Variants in SLC25A48 observed in about 807,000 individuals in gnomAD.
SLC25A48 encodes the protein CTC-321K16.1.
A neutral mutation model predicts 32.2 loss-of-function variants in SLC25A48; 29 were observed. The ratio of observed to expected loss-of-function variants is 0.90; its 90% CI spans 0.67 to 1.23. The LOEUF (loss-of-function observed/expected upper bound fraction) is 1.23, where lower values mean the gene tolerates loss of function less well. Among genes scored for constraint, SLC25A48 ranks in the 50% most tolerant of loss-of-function variants. The pLI is 0.00. For synonymous variants in SLC25A48, 164 were observed against 172.3 expected (o/e 0.95, Z 0.38); for missense variants, 399 against 422.7 (o/e 0.94, Z 0.49).
At chr5:135,713,983 C>T (rs1349009522) in intron 3 of SLC25A48, among the ~76,000 whole-genome samples, 1 of 152,228 alleles carries the variant, frequency 6.6e-6, no homozygotes, top group Non-Finnish European at 1.5e-5. Context: ...GAAGCAGCCC[C>T]AAAGGCTGGA....
intron 3 of SLC25A48, among the ~76,000 whole-genome samples, chr5:135,704,696 T>C (rs1037451688): frequency 6.6e-6 from 1 of 152,216 alleles, no homozygotes; most frequent in Non-Finnish European, 1.5e-5. Flanking sequence ...ATTATTCCCA[T>C]TTTACAGAAA....
chr5:135,642,822 A>G (rs1212786365), intron 3 of SLC25A48, among the ~76,000 whole-genome samples: 1 of 152,226 alleles, frequency 6.6e-6, no homozygotes, highest in Non-Finnish European at 1.5e-5. Context: ...TGCTCTTGGC[A>G]GGTCCTGACT....
At chr5:135,716,346 A>G (rs1754796076) in intron 3 of SLC25A48, among the ~76,000 whole-genome samples, 2 of 152,134 alleles carry the variant, frequency 1.3e-5, no homozygotes, top group African/African-American at 4.8e-5. Context: ...ATTGGCTTAG[A>G]CAGTTGGGTT....
At chr5:135,613,812 A>G (rs1752127480) in intron 1 of SLC25A48, among the ~76,000 whole-genome samples, 1 of 152,090 alleles carries the variant, frequency 6.6e-6, no homozygotes, top group Non-Finnish European at 1.5e-5. Context: ...GTCTGTTTTT[A>G]CACCAACCCC....
intron 7 of SLC25A48, 140 bp from the exon 8 acceptor site, chr5:135,887,892 G>T (rs939500141): frequency 2.6e-6 from 2 of 775,508 alleles, no homozygotes; most frequent in Non-Finnish European, 4.2e-6. Flanking sequence ...GCTTCCACAA[G>T]AATCAAGTGC....
intron 3 of SLC25A48, among the ~76,000 whole-genome samples, chr5:135,802,621 G>A (rs541144148): frequency 3.3e-5 from 5 of 151,068 alleles, no homozygotes; most frequent in Non-Finnish European, 7.4e-5. Context: ...CACAGTAGGG[G>A]TACACCATGT....
At chr5:135,750,864 A>T (rs748377087) in intron 3 of SLC25A48, among the ~76,000 whole-genome samples, 14 of 150,766 alleles carry the variant, frequency 9.3e-5, no homozygotes, top group Admixed American at 3.3e-4. Flanking sequence ...ACACAAGCAA[A>T]AACTTATAAT....
chr5:135,851,364 G>A (rs1436758652), intron 3 of SLC25A48, among the ~76,000 whole-genome samples: 2 of 152,188 alleles, frequency 1.3e-5, no homozygotes, highest in African/African-American at 2.4e-5. Flanking sequence ...GTGATGCTGT[G>A]GGAGTCCACA....
chr5:135,755,849 T>TGAAATATC (rs139123782), intron 3 of SLC25A48, among the ~76,000 whole-genome samples: 45,415 of 151,294 alleles, frequency 0.3, 6,885 homozygotes, highest in East Asian at 0.45. Flanking sequence ...GTAGTATTAA[T>TGAAATATC]GAAATATCGC....
intron 1 of SLC25A48, among the ~76,000 whole-genome samples, chr5:135,836,964 C>G (rs941465652): frequency 9.7e-5 from 2 of 20,572 alleles, no homozygotes; most frequent in Non-Finnish European, 3.9e-4. Context: ...TATTATCCCC[C>G]CCCCCACCCC....
intron 2 of SLC25A48, among the ~76,000 whole-genome samples, chr5:135,843,884 G>A (rs879470757): frequency 2.6e-4 from 40 of 152,128 alleles, no homozygotes; most frequent in African/African-American, 7.2e-4. Context: ...GCCTTGCTGC[G>A]TGCCTCCTGC....
At chr5:135,644,352 T>A (rs1224162860) in intron 3 of SLC25A48, among the ~76,000 whole-genome samples, 1 of 152,054 alleles carries the variant, frequency 6.6e-6, no homozygotes, top group Non-Finnish European at 1.5e-5. Flanking sequence ...ACTTTTACCG[T>A]CTGACACAGA....
intron 3 of SLC25A48, among the ~76,000 whole-genome samples, chr5:135,799,929 G>A (rs1757279474): frequency 6.6e-6 from 1 of 151,704 alleles, no homozygotes; most frequent in Non-Finnish European, 1.5e-5. Flanking sequence ...CACTGCCTCT[G>A]CGATATTGTT....
At chr5:135,845,341 C>T (rs987316516) in intron 2 of SLC25A48, among the ~76,000 whole-genome samples, 1 of 152,224 alleles carries the variant, frequency 6.6e-6, no homozygotes, top group Non-Finnish European at 1.5e-5. Flanking sequence ...AGTGGAGCTC[C>T]CTGGCCACAG....
intron 6 of SLC25A48, among the ~76,000 whole-genome samples, chr5:135,879,605 A>AGTGTGTGTGTGTGT (rs745668429): frequency 9.6e-5 from 13 of 135,358 alleles, no homozygotes; most frequent in African/African-American, 3.9e-4. Flanking sequence ...AGAGAGAGAG[A>AGTGTGTGTGTGTGT]GAGAGAGTGT....
At chr5:135,738,461 A>G (rs933309324) in intron 3 of SLC25A48, among the ~76,000 whole-genome samples, 5 of 152,092 alleles carry the variant, frequency 3.3e-5, no homozygotes, top group African/African-American at 1.2e-4. Context: ...CATTTGCTGC[A>G]GAAGGTGGAG....
intron 1 of SLC25A48, among the ~76,000 whole-genome samples, chr5:135,589,016 G>A (rs1751442487): frequency 1.3e-5 from 2 of 152,142 alleles, no homozygotes; most frequent in Admixed American, 6.5e-5. Context: ...AAGAGAAAAA[G>A]GGGCACATGG....
In SLC25A48 at chr5:135,629,050, C is replaced by T. The variant is rs113941996; in HGVS notation, c.-848-187C>T. Among the ~76,000 whole-genome samples, 2,990 of 152,170 alleles carry T rather than the reference C, an allele frequency of 0.02. 94 individuals carry two copies. Among genetic ancestry groups the T allele is most frequent in the African/African-American group, 0.067 (2,800 of 41,498 alleles). ...GCTACAGTCCCTTTTCATAAATTCC[C>T]CAGCAGTTAGAACAGCCATTAAACT... On this transcript the variant is annotated intron_variant, in intron 1 of 10. Coordinates refer to the SLC25A48 transcript ENST00000646290. The surrounding 1 kb of genome is among the most constrained non-coding windows in gnomAD (Gnocchi z 4.8).
At chr5:135,842,317 A>C in intron 1 of SLC25A48, 99 bp from the exon 2 acceptor site, 2 of 1,259,946 alleles carry the variant, frequency 1.6e-6, no homozygotes. Flanking sequence ...CCAGCAATTG[A>C]CCGTTGACTA....
Sources: gnomAD v4.1 joint callset for allele counts (sites outside exome capture counted in the v4.1 genomes callset) on GRCh38, gnomAD v4.1.1 for gene constraint, Gnocchi (gnomAD v3.1) non-coding constraint, MANE v1.5 for transcripts, NCBI Gene and HGNC (gene_info 2026-07-23, HGNC 2026-07-21) for gene names.